RIPK1: variants seen among roughly 807,000 people sequenced by gnomAD.
The protein encoded by RIPK1 is receptor-interacting serine/threonine-protein kinase 1.
RIPK1 carries 27 observed loss-of-function variants against 62.4 expected under a neutral mutation model. The observed-to-expected ratio is 0.43, with a 90% CI of 0.32 to 0.60. The LOEUF is 0.60. RIPK1 is among the 20% of genes least tolerant of loss of function. RIPK1 has a pLI of 0.07. For synonymous variants in RIPK1, 287 were observed against 303.2 expected, an observed-to-expected ratio of 0.95 and a Z score of 0.55; for missense variants, 735 against 831.0, an observed-to-expected ratio of 0.88 and a Z score of 1.42.
At chr6:3,099,266 C>T (rs184223952) in intron 7 of RIPK1, among the ~76,000 whole-genome samples, 80 of 152,202 alleles carry the variant, frequency 5.3e-4, no homozygotes, top group Admixed American at 9.8e-4. Context: ...AAAAATAGGC[C>T]GGGTGCGGTG....
rs144424205 is a variant in RIPK1, at chr6:3,073,019, G to A, written c.-60-3745G>A. Among the ~76,000 whole-genome samples, 19 of 152,182 alleles carry A rather than the reference G, an allele frequency of 1.2e-4. No individual in the cohort carries two copies. In the East Asian group the frequency reaches 1.7e-3, roughly 14 times the overall value. Reference sequence around the variant, plus strand: ...CTCAAAGCCCAAGGAAACAACACCCGTGTGGATAAACACATGTGGGCGGCT... The same window carrying A: ...CTCAAAGCCCAAGGAAACAACACCCATGTGGATAAACACATGTGGGCGGCT... On this transcript the variant is annotated intron_variant, in intron 1 of 10. Coordinates refer to ENST00000259808, the MANE Select transcript of RIPK1 (RefSeq NM_001354930.2).
chr6:3,097,569 T>G (rs2113667907), intron 7 of RIPK1, among the ~76,000 whole-genome samples: 1 of 152,280 alleles, frequency 6.6e-6, no homozygotes, highest in Middle Eastern at 3.4e-3. Context: ...GCTTCTACCT[T>G]ACACCATACC....
chr6:3,089,636 A>G lies in RIPK1; in HGVS notation c.894A>G (p.Glu298=), dbSNP rs764300849. The change falls in exon 7 of 11, where the codon GAA becomes GAG. Residue 298 remains glutamate (E), a synonymous_variant. Transcript: ENST00000259808. ...TAAGTCAATTAGAAGAAAGTGTAGA[A>G]GAGGACGTGAAGAGTTTAAAGGTAG... ...FYLSQLEESV[E]EDVKSLKKEY... 2 of 1,586,380 alleles carry G rather than the reference A, an allele frequency of 1.3e-6. No individual in the cohort carries two copies. The highest frequency in any genetic ancestry group is 1.7e-6 in the Non-Finnish European group (2 of 1,157,930).
chr6:3,100,062 T>A (rs1347423810), intron 7 of RIPK1, among the ~76,000 whole-genome samples: 1 of 152,190 alleles, frequency 6.6e-6, no homozygotes, highest in Non-Finnish European at 1.5e-5. Context: ...TCTTCAAGAT[T>A]AGCTGTTAGT....
At chr6:3,065,426 G>A (rs1243026819), upstream of RIPK1, among the ~76,000 whole-genome samples, 1 of 151,986 alleles carries the variant, frequency 6.6e-6, no homozygotes, top group Admixed American at 6.6e-5. Flanking sequence ...ACAGTGGGGA[G>A]TGGCTCTAGG....
chr6:3,113,305 T>G lies in RIPK1; in HGVS notation c.1982T>G (p.Leu661Arg). The G allele has an allele frequency of 6.2e-7, 1 of 1,614,120 alleles. No homozygotes were observed. Among genetic ancestry groups the G allele is most frequent in the Non-Finnish European group, 8.5e-7 (1 of 1,180,000 alleles). Reference sequence around the variant, plus strand: ...CTCCACCAGTGTTCCAGGATCGACCTTCTGAGCAGCTTGATTTACGTCAGC... The same window carrying G: ...CTCCACCAGTGTTCCAGGATCGACCGTCTGAGCAGCTTGATTTACGTCAGC... ...QALHQCSRID[L>R]LSSLIYVSQN The change falls in exon 11 of 11, where the codon CTT (leucine) becomes CGT (arginine). Residue 661 changes from leucine to arginine, a missense_variant. Leu to Arg is a moderately radical substitution (Grantham distance 102). Transcript: ENST00000259808. The surrounding 1 kb of genome is among the most constrained non-coding windows in gnomAD (Gnocchi z 5.0).
chr6:3,086,068 G>A (rs985541735), intron 6 of RIPK1, among the ~76,000 whole-genome samples: 11 of 46,854 alleles, frequency 2.3e-4, no homozygotes, highest in African/African-American at 3.5e-4. Context: ...CCCTTGTTTA[G>A]CTGGCATCTT....
chr6:3,101,427 C>T (rs770220217), intron 7 of RIPK1, among the ~76,000 whole-genome samples: 2 of 152,100 alleles, frequency 1.3e-5, no homozygotes, highest in Non-Finnish European at 2.9e-5. Context: ...TGCACTCCTG[C>T]CTGGGCGACA....
intron 5 of RIPK1, among the ~76,000 whole-genome samples, chr6:3,084,629 C>G (rs927264180): frequency 7.3e-6 from 1 of 137,714 alleles, no homozygotes; most frequent in African/African-American, 2.7e-5. Context: ...GAGTCTCATT[C>G]TGTCGCCAGG....
intron 4 of RIPK1, among the ~76,000 whole-genome samples, chr6:3,082,641 G>A (rs532133932): frequency 1.7e-4 from 26 of 152,290 alleles, no homozygotes; most frequent in Middle Eastern, 3.4e-3. Flanking sequence ...GCCTCTGGAC[G>A]CCATTTGGGG....
intron 7 of RIPK1, among the ~76,000 whole-genome samples, chr6:3,097,340 C>A (rs567094293): frequency 4.1e-4 from 63 of 152,266 alleles, no homozygotes; most frequent in Middle Eastern, 6.8e-3. Context: ...TTATCAGATT[C>A]TTGTCAAGAA....
At position 3,105,377 on chromosome 6, in the gene RIPK1, T is replaced by C. The variant is rs991030671; in HGVS notation, c.1007-105T>C. 1.1e-6 allele frequency: 1 copy of C among 886,914 alleles called. No individual in the cohort carries two copies. The highest frequency in any genetic ancestry group is 1.7e-5 in the African/African-American group (1 of 59,664). The allele number at this position is 886,914 out of a possible 1,614,324, so 54.9% of individuals were successfully genotyped here. On this transcript the variant is annotated intron_variant, in intron 8 of 10. Transcript: ENST00000259808. This position sits in a 1 kb window ranked among gnomAD's most constrained non-coding sequence, Gnocchi z 4.5. ...TGCTTTGGACTGGTCTCGTACTTGT[T>C]TTCTGTGTGTTACTTTGAGATACAG...
At chr6:3,094,498 G>T (rs929263553) in intron 7 of RIPK1, among the ~76,000 whole-genome samples, 4 of 151,290 alleles carry the variant, frequency 2.6e-5, no homozygotes, top group Non-Finnish European at 5.9e-5. Context: ...TTCACTGAAG[G>T]CTAACAAAAC....
rs1464993953 is a variant in RIPK1, at chr6:3,113,081, C to T, written c.1758C>T (p.His586=). The T allele has an allele frequency of 6.3e-7, 1 of 1,587,880 alleles. No homozygotes were observed. Among genetic ancestry groups the T allele is most frequent in the South Asian group, 1.1e-5 (1 of 87,450 alleles). The part of the protein sequence containing the change: ...FDNTTSLTDK[H]LDPIRENLGK... ...ATACCACTAGTCTGACGGATAAACA[C>T]CTGGACCCAATCAGGGAAAATCTGG... Residue 586 remains histidine (H), a synonymous_variant, in exon 11 of 11, where the codon CAC becomes CAT. Coordinates refer to ENST00000259808, the MANE Select transcript of RIPK1 (RefSeq NM_001354930.2). The surrounding 1 kb of genome is among the most constrained non-coding windows in gnomAD (Gnocchi z 5.0).
chr6:3,067,233 G>A (rs1758421537), upstream of RIPK1, among the ~76,000 whole-genome samples: 1 of 151,700 alleles, frequency 6.6e-6, no homozygotes, highest in African/African-American at 2.4e-5. Flanking sequence ...TGTTTGTATG[G>A]GCATAAGCTT....
At chr6:3,098,358 A>G (rs1006974962) in intron 7 of RIPK1, among the ~76,000 whole-genome samples, 1 of 152,240 alleles carries the variant, frequency 6.6e-6, no homozygotes, top group African/African-American at 2.4e-5. Flanking sequence ...AAGAGAATAA[A>G]TACACCAAAA....
chr6:3,108,601 G>A lies in RIPK1; in HGVS notation c.1577-2202G>A, dbSNP rs572535947. Among the ~76,000 whole-genome samples, 7 of 152,300 alleles carry A rather than the reference G, an allele frequency of 4.6e-5. No homozygotes were observed. In the East Asian group the frequency reaches 1.4e-3, roughly 29 times the overall value. On this transcript the variant is annotated intron_variant, in intron 9 of 10. Transcript: ENST00000259808. ...ACAGGGTAAGGCAGCTTACCACTGT[G>A]CCTGGCGATGCGCAGAGTAAGTGCT... is the stretch of plus-strand genomic sequence containing the variant.
At chr6:3,098,785 G>T (rs953405247) in intron 7 of RIPK1, among the ~76,000 whole-genome samples, 6 of 152,262 alleles carry the variant, frequency 3.9e-5, no homozygotes, top group Non-Finnish European at 7.3e-5. Flanking sequence ...AGATTGGGGT[G>T]CAAGGAAGGA....
At chr6:3,098,453 C>T (rs1760426929) in intron 7 of RIPK1, among the ~76,000 whole-genome samples, 1 of 152,142 alleles carries the variant, frequency 6.6e-6, no homozygotes, top group South Asian at 2.1e-4. Flanking sequence ...GCAAATATGG[C>T]AAGGCTTTTC....
Sources: allele counts gnomAD v4.1 joint callset (sites outside exome capture counted in the v4.1 genomes callset), GRCh38; gene constraint gnomAD v4.1.1; non-coding constraint Gnocchi (gnomAD v3.1); transcripts MANE v1.5; gene names NCBI Gene and HGNC (gene_info 2026-07-23, HGNC 2026-07-21).